The following COL4A4 variants were observed in gnomAD, a reference collection of about 807,000 sequenced individuals.
COL4A4 encodes collagen alpha-4(IV) chain.
Under a neutral mutation model 192.9 loss-of-function variants are expected in COL4A4, and 105 were observed. The ratio of observed to expected loss-of-function variants is 0.54; its 90% CI spans 0.46 to 0.64. The LOEUF (loss-of-function observed/expected upper bound fraction) is 0.64. Ranked by LOEUF, COL4A4 falls within the 30% of genes least tolerant of loss-of-function variation. The pLI, the probability that COL4A4 is intolerant of heterozygous loss-of-function variation, is 0.00. For missense variants in COL4A4, 1,967 were observed against 2,169.3 expected, an observed-to-expected ratio of 0.91 and a Z score of 1.85; for synonymous variants, 762 against 769.9, an observed-to-expected ratio of 0.99 and a Z score of 0.17.
At chr2:227,060,059 G>C (rs960910064) in intron 27 of COL4A4, 77 bp downstream of exon 27, 1 of 877,658 alleles carries the variant, frequency 1.1e-6, no homozygotes, top group Non-Finnish European at 1.7e-6. Flanking sequence ...ATTATCCATC[G>C]GTAGAAATGT....
At chr2:227,052,967 C>T (rs1317883057) in intron 31 of COL4A4, among the ~76,000 whole-genome samples, 1 of 152,120 alleles carries the variant, frequency 6.6e-6, no homozygotes, top group Non-Finnish European at 1.5e-5. Flanking sequence ...TTGACGAGTG[C>T]CAGTTACCAC....
rs780415519 is a variant in COL4A4 at position 227,010,503 on chromosome 2, TG to T, written c.4334-3del. On this transcript the variant is annotated splice_region_variant and splice_polypyrimidine_tract_variant and intron_variant, in intron 45 of 47. Transcript: ENST00000396625. ...GATCCCCAATGGGACCAGGAGGCCC[TG>T]GAGGAACAAAGGAAAAAAATTGAAG... is the stretch of plus-strand genomic sequence containing the variant. 215 of 1,555,712 alleles carry T rather than the reference TG, an allele frequency of 1.4e-4. 10 individuals are homozygous for T. The highest frequency in any genetic ancestry group is 9.3e-4 in the East Asian group (41 of 44,280).
chr2:226,974,461 TCTC>T, the COL4A4 span, among the ~76,000 whole-genome samples: 1 of 152,074 alleles, frequency 6.6e-6, no homozygotes, highest in African/African-American at 2.4e-5. Context: ...ATGGTTTCGA[TCTC>T]CTGACCTCAT....
intron 21 of COL4A4, among the ~76,000 whole-genome samples, chr2:227,089,610 C>CATATATAT (rs1488061427): frequency 1.8e-5 from 2 of 112,046 alleles, no homozygotes; most frequent in African/African-American, 7.9e-5. Context: ...TATATATATA[C>CATATATAT]ATACATATAT....
intron 3 of COL4A4, among the ~76,000 whole-genome samples, chr2:227,143,614 T>G (rs2063361050): frequency 6.6e-6 from 1 of 152,188 alleles, no homozygotes; most frequent in Non-Finnish European, 1.5e-5. Flanking sequence ...TCTGCAGACT[T>G]TTATAACAGG....
At chr2:227,157,460 G>A (rs1380821122) in intron 1 of COL4A4, among the ~76,000 whole-genome samples, 2 of 151,868 alleles carry the variant, frequency 1.3e-5, no homozygotes, top group African/African-American at 4.8e-5. Context: ...ATTAACCAAG[G>A]AGAAAGCATT....
intron 4 of COL4A4, among the ~76,000 whole-genome samples, chr2:227,124,223 G>A (rs1576685544): frequency 1.3e-5 from 2 of 152,166 alleles, no homozygotes; most frequent in African/African-American, 2.4e-5. Flanking sequence ...TGTCTCATAA[G>A]TGAAAACACA....
intron 4 of COL4A4, 93 bp from the exon 5 acceptor site, chr2:227,121,241 G>C: frequency 1.4e-6 from 2 of 1,397,636 alleles, no homozygotes; most frequent in South Asian, 2.5e-5. Flanking sequence ...CAGAAGACTT[G>C]GAAATTAGAT....
chr2:226,983,833 C>G, the COL4A4 span, among the ~76,000 whole-genome samples: 1 of 152,128 alleles, frequency 6.6e-6, no homozygotes, highest in Non-Finnish European at 1.5e-5. Flanking sequence ...GTTTGAAACT[C>G]AAGTGGAAGG....
At chr2:227,012,849 C>T (rs1294532314) in intron 44 of COL4A4, among the ~76,000 whole-genome samples, 2 of 152,110 alleles carry the variant, frequency 1.3e-5, no homozygotes, top group South Asian at 2.1e-4. Context: ...AATCCCTTTA[C>T]GTGGATTGTC....
chr2:227,074,367 C>CA lies in COL4A4; in HGVS notation c.1987+3526dup, dbSNP rs1279072141. 3.9e-5 allele frequency among the ~76,000 whole-genome samples: 6 copies of CA among 151,918 alleles called. No individual in the cohort carries two copies. The East Asian group carries it at 5.8e-4, about 15-fold the overall frequency. ...GCAATGAGATATTGCCTTACTCCTGCAAAAAATGGCCATTATTTAAAGACA... is the reference window on the plus strand; with the variant it reads ...GCAATGAGATATTGCCTTACTCCTGCAAAAAAATGGCCATTATTTAAAGACA... On this transcript the variant is annotated intron_variant, in intron 25 of 47. Coordinates refer to ENST00000396625, the MANE Select transcript of COL4A4 (RefSeq NM_000092.5).
At chr2:227,008,737 G>T (rs892913451) in intron 46 of COL4A4, among the ~76,000 whole-genome samples, 12 of 152,352 alleles carry the variant, frequency 7.9e-5, no homozygotes, top group African/African-American at 2.9e-4. Flanking sequence ...CTTGGAGATG[G>T]TGGTAGTGAC....
At position 227,099,703 on chromosome 2, in the gene COL4A4, T is replaced by C. The variant is rs2060400553; in HGVS notation, c.1030-14A>G. 6.2e-7 allele frequency: 1 copy of C among 1,612,862 alleles called. No individual in the cohort carries two copies. Among genetic ancestry groups the C allele is most frequent in the Non-Finnish European group, 8.5e-7 (1 of 1,178,962 alleles). On this transcript the variant is annotated splice_polypyrimidine_tract_variant and intron_variant, in intron 17 of 47. Coordinates refer to ENST00000396625, the MANE Select transcript of COL4A4 (RefSeq NM_000092.5). The stretch of plus-strand genomic sequence containing the variant: ...TCCAGGATCCCCCTGAAATCATTCA[T>C]TCATTCACTTTTTAAAGGAATATTA...
At chr2:227,105,822 C>T (rs1026922078) in intron 12 of COL4A4, among the ~76,000 whole-genome samples, 4 of 152,062 alleles carry the variant, frequency 2.6e-5, no homozygotes, top group African/African-American at 9.7e-5. Flanking sequence ...TCCTTAAAAC[C>T]TCTCTCAGTC....
intron 37 of COL4A4, 47 bp from the exon 38 acceptor site, chr2:227,033,528 G>T: frequency 6.5e-7 from 1 of 1,539,624 alleles, no homozygotes; most frequent in Non-Finnish European, 8.9e-7. Context: ...CCAGCCACCG[G>T]TACTCACTCT....
chr2:227,050,016 A>C, intron 34 of COL4A4, 52 bp downstream of exon 34: 3 of 1,546,198 alleles, frequency 1.9e-6, no homozygotes, highest in Non-Finnish European at 2.7e-6. Flanking sequence ...CAATGTTATA[A>C]ACATTCGGGA....
chr2:227,051,101 G>T lies in COL4A4; in HGVS notation c.3026C>A (p.Pro1009Gln). 1 of 1,614,104 alleles carries T rather than the reference G, an allele frequency of 6.2e-7. No homozygotes were observed. Among genetic ancestry groups the T allele is most frequent in the Non-Finnish European group, 8.5e-7 (1 of 1,179,998 alleles). The part of the protein sequence containing the change: ...GRRGEPGRYG[P>Q]PGFHRGEPGE... Reference sequence around the variant, plus strand: ...AGGTTCCCCTCTGTGAAATCCAGGTGGTCCGTATCTTCCCGGCTCTCCTCT... The same window carrying T: ...AGGTTCCCCTCTGTGAAATCCAGGTTGTCCGTATCTTCCCGGCTCTCCTCT... The change falls in exon 33 of 48, where the codon CCA becomes CAA. Residue 1009 changes from proline (P) to glutamine (Q), a missense_variant. Transcript: ENST00000396625.
the COL4A4 span, among the ~76,000 whole-genome samples, chr2:226,980,197 A>G: frequency 1.5e-3 from 226 of 152,316 alleles, no homozygotes; most frequent in Middle Eastern, 0.017. Flanking sequence ...GATTTTACAG[A>G]TAAGAAAATT....
Position 227,032,219 on chromosome 2 carries a change from C to A in COL4A4, c.3635G>T (p.Arg1212Ile). The change falls in exon 39 of 48, where the codon AGA becomes ATA. Residue 1212 changes from arginine to isoleucine, a missense_variant. Physicochemically the swap from Arg to Ile is moderately conservative, Grantham distance 97 (BLOSUM62 -3). Coordinates refer to ENST00000396625, the MANE Select transcript of COL4A4 (RefSeq NM_000092.5). ...PVGIPGLKGE[R>I]GDPGSPGISP... ...GATTCCTGGGCTCCCAGGGTCTCCT[C>A]TCTCCCCTTTTAGCCCAGGTATTCC... The A allele has an allele frequency of 6.2e-7, 1 of 1,614,136 alleles. No individual in the cohort carries two copies. The highest frequency in any genetic ancestry group is 8.5e-7 in the Non-Finnish European group (1 of 1,179,976).
Sources: gnomAD v4.1 joint callset for allele counts (sites outside exome capture counted in the v4.1 genomes callset) on GRCh38, gnomAD v4.1.1 for gene constraint, MANE v1.5 for transcripts, NCBI Gene and HGNC (gene_info 2026-07-23, HGNC 2026-07-21) for gene names.